ADGRB3: variants seen among roughly 807,000 people sequenced by gnomAD.
ADGRB3 encodes brain-specific angiogenesis inhibitor 3.
A neutral mutation model predicts 193.4 loss-of-function variants in ADGRB3; 37 were observed. The observed-to-expected ratio is 0.19, with a 90% CI of 0.15 to 0.25. The LOEUF (loss-of-function observed/expected upper bound fraction) is 0.25. Ranked by LOEUF, ADGRB3 falls within the 10% of genes least tolerant of loss-of-function variation. The pLI, the probability that ADGRB3 is intolerant of heterozygous loss-of-function variation, is 1.00. For missense variants in ADGRB3, 1,637 were observed against 1,852.9 expected (o/e 0.88, Z 2.14); for synonymous variants, 690 against 644.2 (o/e 1.07, Z -1.08).
intron 30 of ADGRB3, among the ~76,000 whole-genome samples, chr6:69,373,853 C>T (rs1172625191): frequency 6.6e-6 from 1 of 151,940 alleles, no homozygotes; most frequent in East Asian, 1.9e-4. Context: ...AAAATTAAGC[C>T]TCAATTAAAC....
At chr6:68,913,821 G>A (rs1272993832) in intron 3 of ADGRB3, among the ~76,000 whole-genome samples, 2 of 152,144 alleles carry the variant, frequency 1.3e-5, no homozygotes, top group South Asian at 4.1e-4. Flanking sequence ...TGTATAACTA[G>A]AATAACCAAT....
At chr6:68,753,255 A>G (rs1766236461) in intron 3 of ADGRB3, among the ~76,000 whole-genome samples, 1 of 152,198 alleles carries the variant, frequency 6.6e-6, no homozygotes, top group African/African-American at 2.4e-5. Flanking sequence ...TCTATTCTCC[A>G]TAGGAGATTG....
At chr6:68,840,282 G>A (rs1042429259) in intron 3 of ADGRB3, among the ~76,000 whole-genome samples, 7 of 150,144 alleles carry the variant, frequency 4.7e-5, no homozygotes, top group African/African-American at 1.7e-4. Flanking sequence ...TCTGTAGAAG[G>A]AGAGGGAAGA....
intron 26 of ADGRB3, among the ~76,000 whole-genome samples, chr6:69,348,210 A>G (rs1177525657): frequency 6.6e-6 from 1 of 152,184 alleles, no homozygotes; most frequent in African/African-American, 2.4e-5. Flanking sequence ...GAGAGTTTGT[A>G]ACAGAAATTG....
intron 3 of ADGRB3, among the ~76,000 whole-genome samples, chr6:68,778,057 A>G (rs1274616656): frequency 6.6e-6 from 1 of 152,126 alleles, no homozygotes; most frequent in Non-Finnish European, 1.5e-5. Context: ...ATTCTTGTCT[A>G]TGGAACTGGC....
rs184897289 is a variant in ADGRB3, at chr6:69,092,199, T to A, written c.2480+16161T>A. The stretch of plus-strand genomic sequence containing the variant: ...AATTTTGTCATGATCTTCACAGGCT[T>A]GAGTCATCTGTCCTATTCTCTTTAC... On this transcript the variant is annotated intron_variant, in intron 17 of 31. Transcript: ENST00000370598. 4.6e-5 allele frequency among the ~76,000 whole-genome samples: 7 copies of A among 152,338 alleles called. No individual in the cohort carries two copies. The East Asian group carries it at 1.4e-3, about 29-fold the overall frequency.
At chr6:68,660,329 C>T in intron 3 of ADGRB3, among the ~76,000 whole-genome samples, 1 of 148,860 alleles carries the variant, frequency 6.7e-6, no homozygotes, top group Non-Finnish European at 1.5e-5. Context: ...TGTATCACTT[C>T]CTTTTTTTTT....
At chr6:68,814,070 C>A (rs1478753138) in intron 3 of ADGRB3, among the ~76,000 whole-genome samples, 1 of 152,118 alleles carries the variant, frequency 6.6e-6, no homozygotes, top group Admixed American at 6.5e-5. Flanking sequence ...GGGTATATAC[C>A]CAGTAATGGG....
intron 30 of ADGRB3, among the ~76,000 whole-genome samples, chr6:69,372,863 T>C (rs1582663975): frequency 6.6e-6 from 1 of 152,110 alleles, no homozygotes; most frequent in South Asian, 2.1e-4. Flanking sequence ...TCTCTGAAAA[T>C]TACTTGTTTC....
chr6:68,875,115 T>TCCC (rs1765557345), intron 3 of ADGRB3, among the ~76,000 whole-genome samples: 1 of 108,712 alleles, frequency 9.2e-6, no homozygotes, highest in African/African-American at 3.1e-5. Context: ...CCTTCCTTCC[T>TCCC]TTCTTTCCTT....
At chr6:69,141,443 G>T (rs557000064) in intron 17 of ADGRB3, among the ~76,000 whole-genome samples, 3 of 152,222 alleles carry the variant, frequency 2.0e-5, no homozygotes, top group South Asian at 2.1e-4. Context: ...TATTTCATAA[G>T]GGTGGCCAAA....
chr6:69,236,352 C>T (rs1043054277), intron 19 of ADGRB3, among the ~76,000 whole-genome samples: 2 of 151,810 alleles, frequency 1.3e-5, no homozygotes, highest in Non-Finnish European at 2.9e-5. Context: ...GTGAGAGACA[C>T]TGACAAAGTG....
chr6:68,901,614 A>G (rs576958532), intron 3 of ADGRB3, among the ~76,000 whole-genome samples: 2 of 152,320 alleles, frequency 1.3e-5, no homozygotes, highest in East Asian at 3.9e-4. Flanking sequence ...TTTTGTCATT[A>G]TCTATAGTAC....
chr6:68,687,054 A>ATGTATATG, intron 3 of ADGRB3, among the ~76,000 whole-genome samples: 1 of 152,060 alleles, frequency 6.6e-6, no homozygotes. Flanking sequence ...ATTTTGCCAT[A>ATGTATATG]TGTATATGGA....
chr6:69,011,135 ATGTGTGTGTGTGTGTGTG>A (rs66675226), intron 11 of ADGRB3, among the ~76,000 whole-genome samples: 1 of 144,932 alleles, frequency 6.9e-6, no homozygotes, highest in Non-Finnish European at 1.5e-5. Flanking sequence ...ATACATATAT[ATGTGTGTGTGTGTGTGTG>A]TGTGTGTGTG....
At chr6:68,724,853 G>C (rs576556403) in intron 3 of ADGRB3, among the ~76,000 whole-genome samples, 1 of 151,638 alleles carries the variant, frequency 6.6e-6, no homozygotes, top group Non-Finnish European at 1.5e-5. Flanking sequence ...GCAAGACATG[G>C]TCTGTGCATT....
At chr6:68,644,022 A>C (rs758908592) in intron 3 of ADGRB3, among the ~76,000 whole-genome samples, 2 of 152,066 alleles carry the variant, frequency 1.3e-5, no homozygotes, top group Non-Finnish European at 1.5e-5. Context: ...AACAAACAAA[A>C]AAAAAACCCT....
chr6:69,368,812 C>T (rs1442645835), intron 29 of ADGRB3, among the ~76,000 whole-genome samples: 1 of 151,980 alleles, frequency 6.6e-6, no homozygotes, highest in Non-Finnish European at 1.5e-5. Flanking sequence ...TGGAATTTGA[C>T]CAGATGGAGC....
chr6:69,229,896 G>C (rs1012117513), intron 17 of ADGRB3, among the ~76,000 whole-genome samples: 1 of 152,188 alleles, frequency 6.6e-6, no homozygotes, highest in Non-Finnish European at 1.5e-5. Context: ...GAAAGTAATA[G>C]ACTTTGTGTC....
Sources: gnomAD v4.1 joint callset for allele counts (sites outside exome capture counted in the v4.1 genomes callset) on GRCh38, gnomAD v4.1.1 for gene constraint, MANE v1.5 for transcripts, NCBI Gene and HGNC (gene_info 2026-07-23, HGNC 2026-07-21) for gene names.